Variants in STXBP5 observed in about 807,000 individuals in gnomAD.
The protein encoded by STXBP5 is syntaxin binding protein 5, also known as syntaxin-binding protein 5.
Under a neutral mutation model 152.4 loss-of-function variants are expected in STXBP5, and 50 were observed. The observed-to-expected ratio is 0.33, with a 90% CI of 0.26 to 0.42. The LOEUF (loss-of-function observed/expected upper bound fraction) is 0.42. STXBP5 is among the 10% of genes least tolerant of loss of function. STXBP5 has a pLI of 1.00. For synonymous variants in STXBP5, 492 were observed against 494.7 expected, an observed-to-expected ratio of 0.99 and a Z score of 0.07; for missense variants, 1,167 against 1,388.6, an observed-to-expected ratio of 0.84 and a Z score of 2.54.
intron 16 of STXBP5, 24 bp downstream of exon 16, chr6:147,316,431 G>A: frequency 6.8e-7 from 1 of 1,463,824 alleles, no homozygotes; most frequent in East Asian, 2.5e-5. Context: ...AACTACAGAG[G>A]AGTTTTGGAT....
chr6:147,265,613 A>T (rs529207973), intron 6 of STXBP5, among the ~76,000 whole-genome samples: 1 of 152,142 alleles, frequency 6.6e-6, no homozygotes, highest in South Asian at 2.1e-4. Context: ...AGGAGGTTTT[A>T]AGCAGAGGAA....
chr6:147,355,907 T>C (rs1475780857), intron 22 of STXBP5, among the ~76,000 whole-genome samples: 1 of 152,140 alleles, frequency 6.6e-6, no homozygotes, highest in Non-Finnish European at 1.5e-5. Context: ...AGACCCATAA[T>C]GCTTAACTTA....
At chr6:147,270,713 T>G (rs1780123188) in intron 7 of STXBP5, among the ~76,000 whole-genome samples, 1 of 152,058 alleles carries the variant, frequency 6.6e-6, no homozygotes, top group Non-Finnish European at 1.5e-5. Context: ...ATGGCAAATA[T>G]GTGGTAGATA....
intron 26 of STXBP5, among the ~76,000 whole-genome samples, chr6:147,377,447 T>C (rs1011268340): frequency 6.6e-6 from 1 of 152,002 alleles, no homozygotes; most frequent in South Asian, 2.1e-4. Context: ...TAAAATACAA[T>C]TGAAAAATTA....
intron 22 of STXBP5, among the ~76,000 whole-genome samples, chr6:147,355,183 G>A (rs1037173323): frequency 6.6e-6 from 1 of 152,120 alleles, no homozygotes; most frequent in Non-Finnish European, 1.5e-5. Context: ...CATTTCAAAT[G>A]TCAGCCATAG....
intron 2 of STXBP5, among the ~76,000 whole-genome samples, chr6:147,220,477 A>C (rs1582801836): frequency 6.6e-6 from 1 of 152,190 alleles, no homozygotes; most frequent in East Asian, 1.9e-4. Flanking sequence ...GGGATGTTAA[A>C]GTTTACAACT....
chr6:147,332,136 G>GT (rs1364432578), intron 18 of STXBP5, among the ~76,000 whole-genome samples: 1 of 152,204 alleles, frequency 6.6e-6, no homozygotes, highest in Admixed American at 6.5e-5. Flanking sequence ...GATTCTGGCA[G>GT]TAACAGAGGG....
intron 2 of STXBP5, among the ~76,000 whole-genome samples, chr6:147,231,817 A>G (rs2115155341): frequency 6.6e-6 from 1 of 151,930 alleles, no homozygotes; most frequent in African/African-American, 2.4e-5. Context: ...ATAGTGTTTG[A>G]CTATTTCTTA....
intron 7 of STXBP5, among the ~76,000 whole-genome samples, chr6:147,270,782 T>A (rs1780127044): frequency 6.6e-6 from 1 of 152,132 alleles, no homozygotes; most frequent in South Asian, 2.1e-4. Flanking sequence ...CCAAATATAA[T>A]AAAAATGTAG....
Position 147,204,756 on chromosome 6 carries a change from T to A in STXBP5, c.150+74T>A. On this transcript the variant is annotated intron_variant, in intron 1 of 27. Coordinates refer to ENST00000321680, the MANE Select transcript of STXBP5 (RefSeq NM_001127715.4). This position sits in a 1 kb window ranked among gnomAD's most constrained non-coding sequence, Gnocchi z 4.3. Reference sequence around the variant, plus strand: ...TGTTTTAAGGGGGCTACTCGGGCTTTACATGGGAATGCAAGGGAAGAGAAC... The same window carrying A: ...TGTTTTAAGGGGGCTACTCGGGCTTAACATGGGAATGCAAGGGAAGAGAAC... 7.1e-7 allele frequency: 1 copy of A among 1,410,822 alleles called. No individual in the cohort carries two copies. Among genetic ancestry groups the A allele is most frequent in the Non-Finnish European group, 9.4e-7 (1 of 1,061,440 alleles). 87.4% of individuals were successfully genotyped at this position (1,410,822 alleles called of 1,614,324 possible).
At chr6:147,287,194 ATTTT>A (rs11370591) in intron 8 of STXBP5, among the ~76,000 whole-genome samples, 1 of 75,254 alleles carries the variant, frequency 1.3e-5, no homozygotes, top group Non-Finnish European at 2.4e-5. Context: ...TTAATTGTAC[ATTTT>A]TTTTTTTTTT....
Position 147,206,019 on chromosome 6 carries a change from C to T in STXBP5, c.199C>T (p.Pro67Ser). 1 of 1,614,156 alleles carries T rather than the reference C, an allele frequency of 6.2e-7. No individual in the cohort carries two copies. Among genetic ancestry groups the T allele is most frequent in the Non-Finnish European group, 8.5e-7 (1 of 1,180,012 alleles). Reference sequence around the variant, plus strand: ...TCAACCCTCAGCCCTGGCCTTTGATCCTGTACAGAAGATCCTGGCAGTGGG... The same window carrying T: ...TCAACCCTCAGCCCTGGCCTTTGATTCTGTACAGAAGATCCTGGCAGTGGG... ...PYQPSALAFD[P>S]VQKILAVGTQ... is the part of the protein sequence containing the mutation. The change falls in exon 2 of 28, where the codon CCT (proline) becomes TCT (serine). Residue 67 changes from proline (P) to serine (S), a missense_variant. Pro to Ser is a moderately conservative substitution (Grantham distance 74). This residue lies in a region of STXBP5 where 310 missense variants were observed against 346.1 expected (regional missense o/e 0.90). Coordinates refer to ENST00000321680, the MANE Select transcript of STXBP5 (RefSeq NM_001127715.4).
chr6:147,260,084 A>G (rs1326650546), intron 4 of STXBP5, among the ~76,000 whole-genome samples: 1 of 152,216 alleles, frequency 6.6e-6, no homozygotes, highest in East Asian at 1.9e-4. Flanking sequence ...GGACCTTGAC[A>G]ATCATATAAG....
rs116159123 is a variant in STXBP5 at position 147,215,624 on chromosome 6, C to T, written c.248+9556C>T. Among the ~76,000 whole-genome samples, 1,124 of 152,238 alleles carry T rather than the reference C, an allele frequency of 7.4e-3. 12 individuals carry two copies. Among genetic ancestry groups the T allele is most frequent in the African/African-American group, 0.026 (1,078 of 41,544 alleles). On this transcript the variant is annotated intron_variant, in intron 2 of 27. Coordinates refer to ENST00000321680, the MANE Select transcript of STXBP5 (RefSeq NM_001127715.4). ...CTCGAACTCGTGAGCTCAAACCATCCGCCCACCTCAGCCTCCTAGAGTACT... is the reference window on the plus strand; with the variant it reads ...CTCGAACTCGTGAGCTCAAACCATCTGCCCACCTCAGCCTCCTAGAGTACT...
At chr6:147,358,305 C>T (rs1288144664) in intron 22 of STXBP5, among the ~76,000 whole-genome samples, 2 of 151,928 alleles carry the variant, frequency 1.3e-5, no homozygotes, top group Non-Finnish European at 2.9e-5. Flanking sequence ...AAAAGACTCA[C>T]ATTTGTCACA....
chr6:147,248,431 CAT>C (rs1378631470), intron 4 of STXBP5, among the ~76,000 whole-genome samples: 3 of 151,942 alleles, frequency 2.0e-5, no homozygotes, highest in South Asian at 2.1e-4. Context: ...TATATGAAAA[CAT>C]ATGATGAAAT....
At position 147,384,871 on chromosome 6, in the gene STXBP5, C is replaced by G; in HGVS notation, c.*116C>G. The G allele has an allele frequency of 1.9e-6, 2 of 1,056,472 alleles. No individual in the cohort carries two copies. The highest frequency in any genetic ancestry group is 2.9e-6 in the Non-Finnish European group (2 of 697,636). The allele number at this position is 1,056,472 out of a possible 1,614,324, so 65.4% of individuals were successfully genotyped here. ...TGTTCGTCACTGAATACTGTTCTTTCCTAGCACAGTCATGCACTGTTTTAC... is the reference window on the plus strand; with the variant it reads ...TGTTCGTCACTGAATACTGTTCTTTGCTAGCACAGTCATGCACTGTTTTAC... On this transcript the variant is annotated 3_prime_UTR_variant, in exon 28 of 28. Coordinates refer to ENST00000321680, the MANE Select transcript of STXBP5 (RefSeq NM_001127715.4).
chr6:147,257,507 G>C (rs1779428047), intron 4 of STXBP5, among the ~76,000 whole-genome samples: 1 of 151,688 alleles, frequency 6.6e-6, no homozygotes, highest in African/African-American at 2.4e-5. Flanking sequence ...TTGGTCTCTT[G>C]ATATTAGTAA....
At chr6:147,305,742 T>C (rs1782057763) in intron 9 of STXBP5, among the ~76,000 whole-genome samples, 1 of 152,212 alleles carries the variant, frequency 6.6e-6, no homozygotes, top group South Asian at 2.1e-4. Flanking sequence ...ATTCAGTAAA[T>C]ACATATGTCT....
Sources: gnomAD v4.1 joint callset for allele counts (sites outside exome capture counted in the v4.1 genomes callset) on GRCh38, gnomAD v4.1.1 for gene constraint, gnomAD v4.1.1 regional missense constraint, Gnocchi (gnomAD v3.1) non-coding constraint, MANE v1.5 for transcripts, NCBI Gene and HGNC (gene_info 2026-07-23, HGNC 2026-07-21) for gene names.